The following STXBP6 variants were observed in gnomAD, a reference collection of about 807,000 sequenced individuals.
STXBP6 encodes syntaxin binding protein 6.
Under a neutral mutation model 26.9 loss-of-function variants are expected in STXBP6, and 21 were observed. That is an observed-to-expected ratio of 0.78 (90% confidence interval 0.55 to 1.12). The LOEUF (loss-of-function observed/expected upper bound fraction) is 1.12, where lower values mean the gene tolerates loss of function less well. STXBP6 is among the 50% of genes most tolerant of loss of function. The probability of loss-of-function intolerance (pLI) is 0.00; values close to 1 mark genes in which losing one functional copy is unlikely to be tolerated. For synonymous variants in STXBP6, 97 were observed against 92.6 expected (o/e 1.05, Z -0.27); for missense variants, 232 against 257.9 (o/e 0.90, Z 0.69).
intron 2 of STXBP6, among the ~76,000 whole-genome samples, chr14:24,904,949 A>G (rs1178868413): frequency 6.6e-6 from 1 of 152,200 alleles, no homozygotes; most frequent in Non-Finnish European, 1.5e-5. Context: ...GGTTATTAGA[A>G]AGGATGTTGA....
chr14:24,950,260 G>C (rs2073117879), intron 2 of STXBP6, among the ~76,000 whole-genome samples: 4 of 152,090 alleles, frequency 2.6e-5, no homozygotes, highest in Admixed American at 2.6e-4. Context: ...ACCACCTTTG[G>C]AAATCTGTTT....
chr14:24,976,538 T>C (rs2074049208), intron 1 of STXBP6, among the ~76,000 whole-genome samples: 1 of 152,172 alleles, frequency 6.6e-6, no homozygotes, highest in Non-Finnish European at 1.5e-5. Context: ...AAGAACAAAA[T>C]GACAACAGTG....
At chr14:25,027,042 G>C (rs953733349) in intron 1 of STXBP6, among the ~76,000 whole-genome samples, 1 of 152,118 alleles carries the variant, frequency 6.6e-6, no homozygotes, top group Non-Finnish European at 1.5e-5. Context: ...TCCCAATTGC[G>C]GGGACAGAAA....
intron 1 of STXBP6, among the ~76,000 whole-genome samples, chr14:24,985,561 C>T (rs2074309725): frequency 1.3e-5 from 2 of 152,212 alleles, no homozygotes; most frequent in African/African-American, 4.8e-5. Context: ...CCTGTTCCCA[C>T]TTTTTCTGGG....
chr14:24,919,772 G>A (rs954222899), intron 2 of STXBP6, among the ~76,000 whole-genome samples: 7 of 151,980 alleles, frequency 4.6e-5, no homozygotes, highest in South Asian at 2.1e-4. Context: ...AGTGGGAGAA[G>A]GTGAGTTGTG....
intron 4 of STXBP6, among the ~76,000 whole-genome samples, chr14:24,830,937 G>C (rs1183659171): frequency 6.6e-6 from 1 of 152,182 alleles, no homozygotes; most frequent in Non-Finnish European, 1.5e-5. Context: ...AGCTATAAGA[G>C]TGTTAAGACA....
At position 24,987,048 on chromosome 14, in the gene STXBP6, C is replaced by T. The variant is rs1173589182; in HGVS notation, c.-32-12198G>A. ...AATAACTAACTTCTGACCTAACTAG[C>T]TGTGCAGTGTTTGATAGGAAGGAAA... is the stretch of plus-strand genomic sequence containing the variant. On this transcript the variant is annotated intron_variant, in intron 1 of 5. Transcript: ENST00000323944. 2.6e-5 allele frequency among the ~76,000 whole-genome samples: 4 copies of T among 152,146 alleles called. No homozygotes were observed. In the East Asian group the frequency reaches 7.7e-4, roughly 29 times the overall value.
At chr14:24,952,622 CTCTT>C (rs2073207295) in intron 2 of STXBP6, among the ~76,000 whole-genome samples, 1 of 152,134 alleles carries the variant, frequency 6.6e-6, no homozygotes, top group Non-Finnish European at 1.5e-5. Context: ...AGTTAAAACT[CTCTT>C]TGTCATTACA....
At chr14:24,813,939 A>G (rs539217936) in intron 5 of STXBP6, among the ~76,000 whole-genome samples, 99 of 152,344 alleles carry the variant, frequency 6.5e-4, no homozygotes, top group African/African-American at 2.3e-3. Flanking sequence ...CCAGGTTTGC[A>G]TGTGATAGAG....
chr14:24,865,702 T>C (rs1277646766), intron 2 of STXBP6, among the ~76,000 whole-genome samples: 1 of 152,128 alleles, frequency 6.6e-6, no homozygotes, highest in African/African-American at 2.4e-5. Flanking sequence ...CAGATAAAAG[T>C]CCTGCTTCAT....
intron 2 of STXBP6, among the ~76,000 whole-genome samples, chr14:24,942,984 A>C (rs1377057354): frequency 1.3e-5 from 2 of 152,356 alleles, no homozygotes; most frequent in East Asian, 3.9e-4. Flanking sequence ...TCACCTTTCA[A>C]ATCTGAAATC....
At chr14:25,022,943 G>C (rs570904662) in intron 1 of STXBP6, among the ~76,000 whole-genome samples, 5 of 152,246 alleles carry the variant, frequency 3.3e-5, no homozygotes, top group Non-Finnish European at 7.4e-5. Context: ...CTTCCTCAGA[G>C]TTCTTATTGC....
At chr14:24,964,304 GA>G (rs2140140221) in intron 2 of STXBP6, among the ~76,000 whole-genome samples, 1 of 152,304 alleles carries the variant, frequency 6.6e-6, no homozygotes, top group East Asian at 1.9e-4. Context: ...TGGGAGGCCA[GA>G]GGGGGCACAT....
At chr14:24,989,889 C>T (rs898260116) in intron 1 of STXBP6, among the ~76,000 whole-genome samples, 3 of 152,116 alleles carry the variant, frequency 2.0e-5, no homozygotes, top group South Asian at 2.1e-4. Context: ...CACCTTTATA[C>T]GTTAAGCATG....
At chr14:24,981,758 C>A (rs1176485444) in intron 1 of STXBP6, among the ~76,000 whole-genome samples, 1 of 152,100 alleles carries the variant, frequency 6.6e-6, no homozygotes, top group African/African-American at 2.4e-5. Flanking sequence ...TGCATGTTTA[C>A]CTCAGATCCA....
intron 1 of STXBP6, among the ~76,000 whole-genome samples, chr14:24,979,379 CAG>C (rs1321063669): frequency 6.6e-6 from 1 of 152,198 alleles, no homozygotes; most frequent in African/African-American, 2.4e-5. Context: ...TAACAAGTTT[CAG>C]AGTCTTTGAA....
chr14:24,935,179 T>C (rs1235003395), intron 2 of STXBP6, among the ~76,000 whole-genome samples: 1 of 152,146 alleles, frequency 6.6e-6, no homozygotes, highest in African/African-American at 2.4e-5. Flanking sequence ...CAAGGGCAAA[T>C]GTGGGATCAT....
At chr14:24,926,146 C>T (rs1485411843) in intron 2 of STXBP6, among the ~76,000 whole-genome samples, 1 of 152,098 alleles carries the variant, frequency 6.6e-6, no homozygotes, top group African/African-American at 2.4e-5. Flanking sequence ...TTCTTTCTTA[C>T]CACCTTTCTT....
chr14:24,910,329 T>G (rs2071527200), intron 2 of STXBP6, among the ~76,000 whole-genome samples: 1 of 152,236 alleles, frequency 6.6e-6, no homozygotes, highest in Non-Finnish European at 1.5e-5. Context: ...TTTGATGTAT[T>G]TGTCTCCTCA....
Sources: allele counts gnomAD v4.1 joint callset (sites outside exome capture counted in the v4.1 genomes callset), GRCh38; gene constraint gnomAD v4.1.1; transcripts MANE v1.5; gene names NCBI Gene and HGNC (gene_info 2026-07-23, HGNC 2026-07-21).